Variants in SLC43A3 observed in about 807,000 individuals in gnomAD.
The protein encoded by SLC43A3 is equilibrative nucleobase transporter 1.
In SLC43A3, 33 loss-of-function variants were observed where a neutral mutation model predicts 53.3. The observed-to-expected ratio is 0.62, with a 90% CI of 0.47 to 0.83. The LOEUF is 0.83. SLC43A3 is among the 40% of genes least tolerant of loss of function. SLC43A3 has a pLI of 0.00. For missense variants in SLC43A3, 530 were observed against 610.0 expected (o/e 0.87, Z 1.38); for synonymous variants, 236 against 246.2 (o/e 0.96, Z 0.39).
Position 57,409,950 on chromosome 11 carries a change from G to T in SLC43A3, c.1232C>A (p.Ala411Asp). 1 of 1,611,878 alleles carries T rather than the reference G, an allele frequency of 6.2e-7. No individual in the cohort carries two copies. ...GGCCACTTACGCAAGGGTGAGGAAG[G>T]CCGCGTTGCTCCCATAGAGGAAGGA... Reference protein sequence around the residue: ...SRSFLYGSNAAFLTLAFPSEH... With the variant: ...SRSFLYGSNADFLTLAFPSEH... Residue 411 changes from alanine (A) to aspartate (D), a missense_variant, in exon 12 of 14, where the codon GCC becomes GAC. By Grantham distance (126) the Ala-to-Asp change is moderately radical. Coordinates refer to ENST00000395124, the MANE Select transcript of SLC43A3 (RefSeq NM_199329.3).
rs769955380 is a variant in SLC43A3 at position 57,414,631 on chromosome 11, C to T, written c.1044G>A (p.Lys348=). ...GCATCTCACCTGTCTTTCTTGCTTC[C>T]TTCTGGTACTTCTGTTTAAGCCGGT... ...LMDRLKQKYQ[K]EARKTGSSTL... The change falls in exon 11 of 14, where the codon AAG becomes AAA. Residue 348 remains lysine, a synonymous_variant. Coordinates refer to ENST00000395124, the MANE Select transcript of SLC43A3 (RefSeq NM_199329.3). 2.5e-6 allele frequency: 4 copies of T among 1,611,504 alleles called. No homozygotes were observed. The highest frequency in any genetic ancestry group is 1.1e-5 in the South Asian group (1 of 91,044).
At chr11:57,424,474 G>A (rs1943118053) in intron 4 of SLC43A3, among the ~76,000 whole-genome samples, 1 of 152,206 alleles carries the variant, frequency 6.6e-6, no homozygotes, top group Admixed American at 6.5e-5. Flanking sequence ...GCAAGGCGCT[G>A]TCCTTCTCTG....
chr11:57,418,821 C>T lies in SLC43A3; in HGVS notation c.532-934G>A, dbSNP rs561261401. Among the ~76,000 whole-genome samples the T allele has an allele frequency of 5.3e-5, 8 of 151,214 alleles. No homozygotes were observed. The South Asian group carries it at 1.3e-3, about 24-fold the overall frequency. The stretch of plus-strand genomic sequence containing the variant: ...AGGAGAATCGCTTGAACCCGGGAGG[C>T]GGAGGTTGCAGTGAGCCAAGATCCT... On this transcript the variant is annotated intron_variant, in intron 7 of 13. Coordinates refer to ENST00000395124, the MANE Select transcript of SLC43A3 (RefSeq NM_199329.3).
chr11:57,409,993 G>A lies in SLC43A3; in HGVS notation c.1189C>T (p.Leu397=). The A allele has an allele frequency of 6.2e-7, 1 of 1,613,292 alleles. No homozygotes were observed. The highest frequency in any genetic ancestry group is 1.1e-5 in the South Asian group (1 of 90,612). ...AGGAAGGAGCGGCTGATCACTTGCA[G>A]GATGAAGGTGAGGTACTGGAGAGGG... The part of the protein sequence containing the change: ...ILPLQYLTFI[L]QVISRSFLYG... The change falls in exon 12 of 14, where the codon CTG becomes TTG. Residue 397 remains leucine (L), a synonymous_variant. Coordinates refer to ENST00000395124, the MANE Select transcript of SLC43A3 (RefSeq NM_199329.3).
intron 12 of SLC43A3, 127 bp downstream of exon 12, chr11:57,409,808 G>C: frequency 1.2e-6 from 1 of 837,712 alleles, no homozygotes; most frequent in Non-Finnish European, 1.8e-6. Context: ...CTCCACACCT[G>C]CCCCCAAACC....
intron 12 of SLC43A3, among the ~76,000 whole-genome samples, 174 bp from the exon 13 acceptor site, chr11:57,409,472 A>G (rs1942351206): frequency 6.6e-6 from 1 of 152,178 alleles, no homozygotes. Flanking sequence ...CATTTGACCC[A>G]CAGAACCCAG....
intron 9 of SLC43A3, among the ~76,000 whole-genome samples, chr11:57,415,883 C>G (rs546000533): frequency 6.6e-6 from 1 of 152,288 alleles, no homozygotes; most frequent in East Asian, 1.9e-4. Context: ...ATACATATAG[C>G]TACTAAGATG....
At chr11:57,413,323 C>A (rs1182814061) in intron 11 of SLC43A3, among the ~76,000 whole-genome samples, 1 of 152,130 alleles carries the variant, frequency 6.6e-6, no homozygotes, top group African/African-American at 2.4e-5. Context: ...TTGGAACAAA[C>A]CAACTGTAAA....
At chr11:57,413,759 G>C (rs758169945) in intron 11 of SLC43A3, among the ~76,000 whole-genome samples, 5 of 152,078 alleles carry the variant, frequency 3.3e-5, no homozygotes, top group Non-Finnish European at 7.4e-5. Flanking sequence ...ACTTCCCTAA[G>C]ATTCCCCAGT....
chr11:57,409,873 C>T, intron 12 of SLC43A3, 62 bp downstream of exon 12: 1 of 1,471,086 alleles, frequency 6.8e-7, no homozygotes, highest in East Asian at 2.3e-5. Context: ...AATTTCTTTA[C>T]CTCCAGCTTC....
chr11:57,418,719 G>A (rs1590698565), intron 7 of SLC43A3, among the ~76,000 whole-genome samples: 2 of 151,754 alleles, frequency 1.3e-5, no homozygotes, highest in Admixed American at 6.6e-5. Flanking sequence ...GTGAAACCCC[G>A]TCTCTACTGA....
intron 12 of SLC43A3, 136 bp downstream of exon 12, chr11:57,409,799 T>G (rs972356180): frequency 1.3e-6 from 1 of 781,380 alleles, no homozygotes; most frequent in Non-Finnish European, 2.0e-6. Flanking sequence ...TCTCACCCCC[T>G]CCACACCTGC....
chr11:57,409,567 G>A lies in SLC43A3; in HGVS notation c.1248-269C>T, dbSNP rs1389202766. On this transcript the variant is annotated intron_variant, in intron 12 of 13. Coordinates refer to ENST00000395124, the MANE Select transcript of SLC43A3 (RefSeq NM_199329.3). ...GAAAGAAAAGACAGGCATGTAAATGGATGGCATGCCAGACAATGCACGCAC... is the reference window on the plus strand; with the variant it reads ...GAAAGAAAAGACAGGCATGTAAATGAATGGCATGCCAGACAATGCACGCAC... Among the ~76,000 whole-genome samples the A allele has an allele frequency of 6.6e-5, 10 of 152,222 alleles. No individual in the cohort carries two copies. The South Asian group carries it at 8.3e-4, about 13-fold the overall frequency.
At chr11:57,423,306 CCTG>C (rs1035845228) in intron 5 of SLC43A3, among the ~76,000 whole-genome samples, 2 of 152,150 alleles carry the variant, frequency 1.3e-5, no homozygotes, top group African/African-American at 4.8e-5. Context: ...CAACTTTTAC[CCTG>C]CTAAGTAAGG....
In SLC43A3 at chr11:57,425,661, G is replaced by A; in HGVS notation, c.194C>T (p.Ala65Val). Reference protein sequence around the residue: ...GNATGQADCKAQDERFSLIFT... With the variant: ...GNATGQADCKVQDERFSLIFT... ...GATGAGTGAGAACCTCTCATCCTGG[G>A]CTTTGCAGTCTGGAGTAGAAAAAAG... is the stretch of plus-strand genomic sequence containing the variant. The change falls in exon 4 of 14, where the codon GCC becomes GTC. Residue 65 changes from alanine (A) to valine (V), a missense_variant. Ala to Val is a moderately conservative substitution (Grantham distance 64). Coordinates refer to ENST00000395124, the MANE Select transcript of SLC43A3 (RefSeq NM_199329.3). 1 of 1,614,084 alleles carries A rather than the reference G, an allele frequency of 6.2e-7. No individual in the cohort carries two copies. Among genetic ancestry groups the A allele is most frequent in the Middle Eastern group, 1.7e-4 (1 of 5,982 alleles).
At chr11:57,424,950 A>G (rs766944834) in intron 4 of SLC43A3, among the ~76,000 whole-genome samples, 1 of 152,200 alleles carries the variant, frequency 6.6e-6, no homozygotes, top group Non-Finnish European at 1.5e-5. Context: ...TGTGTGTGAG[A>G]TCACGTCCCG....
chr11:57,421,143 C>A, intron 6 of SLC43A3, 79 bp from the exon 7 acceptor site: 2 of 1,284,254 alleles, frequency 1.6e-6, no homozygotes, highest in Non-Finnish European at 1.1e-6. Flanking sequence ...ATGTGGCAGA[C>A]CCTCCTTATA....
chr11:57,423,291 G>T (rs1478605668), intron 5 of SLC43A3, among the ~76,000 whole-genome samples: 1 of 152,304 alleles, frequency 6.6e-6, no homozygotes, highest in South Asian at 2.1e-4. Flanking sequence ...GTACAATAGG[G>T]TTGTCAACTT....
In SLC43A3 at chr11:57,417,909, G is replaced by C. The variant is rs1361226549; in HGVS notation, c.532-22C>G. On this transcript the variant is annotated intron_variant, in intron 7 of 13. Coordinates refer to ENST00000395124, the MANE Select transcript of SLC43A3 (RefSeq NM_199329.3). ...GAAGCTGCAGAAGGAGAAGGAAAAA[G>C]TCAGTGTCACACCCACGTTCATAGC... is the stretch of plus-strand genomic sequence containing the variant. 2.5e-6 allele frequency: 4 copies of C among 1,612,440 alleles called. No individual in the cohort carries two copies. In the Admixed American group the frequency reaches 6.7e-5, roughly 27 times the overall value.
Sources: allele counts gnomAD v4.1 joint callset (sites outside exome capture counted in the v4.1 genomes callset), GRCh38; gene constraint gnomAD v4.1.1; transcripts MANE v1.5; gene names NCBI Gene and HGNC (gene_info 2026-07-23, HGNC 2026-07-21).